Variants in XKR9 observed in about 807,000 individuals in gnomAD.
XKR9 encodes the protein XK related 9.
A neutral mutation model predicts 32.0 loss-of-function variants in XKR9; 32 were observed. The ratio of observed to expected loss-of-function variants is 1.00; its 90% CI spans 0.76 to 1.34. The LOEUF (loss-of-function observed/expected upper bound fraction) is 1.34. XKR9 is among the 40% of genes most tolerant of loss of function. The pLI is 0.00. For missense variants in XKR9, 546 were observed against 429.7 expected, an observed-to-expected ratio of 1.27 and a Z score of -2.39; for synonymous variants, 168 against 143.4, an observed-to-expected ratio of 1.17 and a Z score of -1.22.
the XKR9 span, among the ~76,000 whole-genome samples, chr8:70,876,080 A>G: frequency 6.6e-6 from 1 of 152,214 alleles, no homozygotes; most frequent in Non-Finnish European, 1.5e-5. Flanking sequence ...ATTCAATTCC[A>G]TACTATGAAA....
the XKR9 span, among the ~76,000 whole-genome samples, chr8:70,825,738 A>G: frequency 1.3e-3 from 193 of 152,192 alleles, no homozygotes; most frequent in Admixed American, 3.3e-3. Flanking sequence ...ATTTTAATAG[A>G]TAAGCCATGG....
At chr8:70,884,204 T>C in the XKR9 span, among the ~76,000 whole-genome samples, 50 of 152,166 alleles carry the variant, frequency 3.3e-4, no homozygotes, top group African/African-American at 1.2e-3. Flanking sequence ...TTTTTTCAGA[T>C]CTTTGCCTAG....
chr8:70,961,331 T>C, the XKR9 span, among the ~76,000 whole-genome samples: 1 of 152,076 alleles, frequency 6.6e-6, no homozygotes, highest in Non-Finnish European at 1.5e-5. Context: ...ATCTGGAAGT[T>C]AGATATGACA....
intron 2 of XKR9, among the ~76,000 whole-genome samples, chr8:70,756,517 A>G (rs2130196728): frequency 6.6e-6 from 1 of 152,262 alleles, no homozygotes; most frequent in Non-Finnish European, 1.5e-5. Flanking sequence ...TTTTCCATTT[A>G]TTTAGATGTT....
chr8:70,917,910 T>C, the XKR9 span, among the ~76,000 whole-genome samples: 1 of 152,208 alleles, frequency 6.6e-6, no homozygotes, highest in South Asian at 2.1e-4. Context: ...AAGAGGATTA[T>C]ACAAGATAAT....
chr8:71,042,085 A>T, the XKR9 span, among the ~76,000 whole-genome samples: 1 of 152,108 alleles, frequency 6.6e-6, no homozygotes, highest in African/African-American at 2.4e-5. Flanking sequence ...GAAACCAGAG[A>T]GAGAGTGACT....
the XKR9 span, among the ~76,000 whole-genome samples, chr8:70,795,606 A>G: frequency 7.9e-5 from 12 of 152,310 alleles, no homozygotes; most frequent in Middle Eastern, 3.4e-3. Flanking sequence ...CCAACAGTGT[A>G]TAAGTGTTCC....
At chr8:70,905,226 G>GTTCC in the XKR9 span, among the ~76,000 whole-genome samples, 1 of 152,186 alleles carries the variant, frequency 6.6e-6, no homozygotes. Flanking sequence ...ATCCAACTTG[G>GTTCC]TTCCATTCTC....
chr8:70,992,319 G>A, the XKR9 span, among the ~76,000 whole-genome samples: 1 of 152,096 alleles, frequency 6.6e-6, no homozygotes, highest in African/African-American at 2.4e-5. Flanking sequence ...ACAATTTGCT[G>A]CTTTTTAAGA....
intron 2 of XKR9, among the ~76,000 whole-genome samples, chr8:70,759,110 C>A (rs1283010598): frequency 6.6e-6 from 1 of 152,170 alleles, no homozygotes; most frequent in Non-Finnish European, 1.5e-5. Context: ...CAGGGACTTT[C>A]AAAAGTCTTC....
the XKR9 span, among the ~76,000 whole-genome samples, chr8:71,054,843 G>GT: frequency 2.0e-5 from 3 of 152,156 alleles, no homozygotes; most frequent in Non-Finnish European, 4.4e-5. Flanking sequence ...TGTTGCTAAA[G>GT]TTGAAACATT....
the XKR9 span, among the ~76,000 whole-genome samples, chr8:71,038,065 T>C: frequency 2.0e-5 from 3 of 152,166 alleles, 1 homozygote; most frequent in African/African-American, 7.2e-5. Flanking sequence ...TATACTTTTC[T>C]AGAAGTGAGT....
At chr8:70,783,835 T>A (rs113896253) in intron 2 of XKR9, among the ~76,000 whole-genome samples, 3 of 152,214 alleles carry the variant, frequency 2.0e-5, no homozygotes, top group Non-Finnish European at 4.4e-5. Flanking sequence ...ATTTTACACT[T>A]TCTAGTCTTA....
intron 2 of XKR9, among the ~76,000 whole-genome samples, chr8:70,785,390 T>G (rs1230834843): frequency 1.3e-5 from 2 of 151,948 alleles, no homozygotes; most frequent in African/African-American, 2.4e-5. Flanking sequence ...TATTTGAATC[T>G]TCTATTTTTA....
intron 3 of XKR9, among the ~76,000 whole-genome samples, chr8:70,704,210 C>G (rs991416809): frequency 9.2e-5 from 14 of 151,694 alleles, no homozygotes; most frequent in Admixed American, 1.3e-4. Context: ...ATAAAATAAA[C>G]AATAAAATAA....
downstream of XKR9, among the ~76,000 whole-genome samples, chr8:70,737,873 GTATTT>G (rs1806893675): frequency 8.4e-6 from 1 of 119,088 alleles, no homozygotes; most frequent in Non-Finnish European, 2.0e-5. Flanking sequence ...CGGTTTGCCA[GTATTT>G]TATTGAGGAT....
chr8:71,034,982 AC>A, the XKR9 span, among the ~76,000 whole-genome samples: 3 of 152,196 alleles, frequency 2.0e-5, no homozygotes, highest in Non-Finnish European at 4.4e-5. Flanking sequence ...TATTTGTGGA[AC>A]AATGTAATGT....
intron 3 of XKR9, among the ~76,000 whole-genome samples, chr8:70,701,744 A>G (rs1042762730): frequency 3.3e-5 from 5 of 152,208 alleles, no homozygotes; most frequent in Admixed American, 6.5e-5. Flanking sequence ...AAGACAAGGA[A>G]TATCAATATG....
intron 2 of XKR9, among the ~76,000 whole-genome samples, chr8:70,755,931 T>A (rs1234724252): frequency 6.6e-6 from 1 of 151,984 alleles, no homozygotes; most frequent in African/African-American, 2.4e-5. Flanking sequence ...AAAAAAAAGA[T>A]TTTGGTTTCA....
Sources: gnomAD v4.1 joint callset for allele counts (sites outside exome capture counted in the v4.1 genomes callset) on GRCh38, gnomAD v4.1.1 for gene constraint, MANE v1.5 for transcripts, NCBI Gene and HGNC (gene_info 2026-07-23, HGNC 2026-07-21) for gene names.